POLE: variants seen among roughly 807,000 people sequenced by gnomAD.
POLE encodes DNA polymerase epsilon catalytic subunit A.
A neutral mutation model predicts 279.2 loss-of-function variants in POLE; 188 were observed. The ratio of observed to expected loss-of-function variants is 0.67; its 90% CI spans 0.60 to 0.76. POLE has a LOEUF of 0.76. POLE is among the 30% of genes least tolerant of loss of function. POLE has a pLI of 0.00. For synonymous variants in POLE, 1,214 were observed against 1,172.5 expected (o/e 1.04, Z -0.72); for missense variants, 2,703 against 3,016.7 (o/e 0.90, Z 2.44).
At chr12:132,665,775 T>A (rs1252508824) in intron 20 of POLE, among the ~76,000 whole-genome samples, 1 of 152,182 alleles carries the variant, frequency 6.6e-6, no homozygotes, top group African/African-American at 2.4e-5. Flanking sequence ...GAAATGCAGC[T>A]AAGACCACAG....
intron 1 of POLE, among the ~76,000 whole-genome samples, chr12:132,686,209 T>G (rs1197962225): frequency 1.3e-5 from 2 of 152,016 alleles, no homozygotes; most frequent in African/African-American, 4.8e-5. Context: ...AGGCCAGTCC[T>G]CCGGTCATGT....
rs2138511556 is a variant in POLE, at chr12:132,639,298, C to A, written c.5379G>T (p.Arg1793Ser). The change falls in exon 40 of 49, where the codon AGG (arginine) becomes AGT (serine). Residue 1793 changes from arginine (R) to serine (S), a missense_variant and splice_region_variant. This residue lies in a region of POLE where 1,551 missense variants were observed against 1,686.1 expected (regional missense o/e 0.92). Coordinates refer to ENST00000320574, the MANE Select transcript of POLE (RefSeq NM_006231.4). The surrounding 1 kb of genome is among the most constrained non-coding windows in gnomAD (Gnocchi z 4.7). ...AGCCCACGACCATGCTCTTCAGGAT[C>A]CTGAAAGAGAAGGTGCACGACACCC... ...DETALCSNTFRILKSMVVGWV... is the reference protein window; with the variant it reads ...DETALCSNTFSILKSMVVGWV... The A allele has an allele frequency of 6.2e-7, 1 of 1,613,750 alleles. No homozygotes were observed. The highest frequency in any genetic ancestry group is 8.5e-7 in the Non-Finnish European group (1 of 1,179,780).
chr12:132,661,112 C>T lies in POLE; in HGVS notation c.2917G>A (p.Val973Ile), dbSNP rs764690414. ...AGCTGCAGTTCCCCGCGGCGTTTGACCTCAAAGCCCTTGAGCTCAGCCAGA... is the reference window on the plus strand; with the variant it reads ...AGCTGCAGTTCCCCGCGGCGTTTGATCTCAAAGCCCTTGAGCTCAGCCAGA... ...GSLAELKGFE[V>I]KRRGELQLIK... The change falls in exon 25 of 49, where the codon GTC becomes ATC. Residue 973 changes from valine to isoleucine, a missense_variant. Physicochemically the swap from Val to Ile is conservative, Grantham distance 29. This residue lies in a region of POLE where 19 missense variants were observed against 51.5 expected (regional missense o/e 0.37). Coordinates refer to ENST00000320574, the MANE Select transcript of POLE (RefSeq NM_006231.4). This position sits in a 1 kb window ranked among gnomAD's most constrained non-coding sequence, Gnocchi z 4.1. 4 of 1,613,796 alleles carry T rather than the reference C, an allele frequency of 2.5e-6. No homozygotes were observed. Among genetic ancestry groups the T allele is most frequent in the East Asian group, 2.2e-5 (1 of 44,896 alleles).
chr12:132,668,726 C>T lies in POLE; in HGVS notation c.1935G>A (p.Met645Ile), dbSNP rs561707898. Residue 645 changes from methionine to isoleucine, a missense_variant, in exon 18 of 49, where the codon ATG (methionine) becomes ATA (isoleucine). Physicochemically the swap from Met to Ile is conservative, Grantham distance 10 (BLOSUM62 1). Around this residue, in one of 5 missense-constraint regions of POLE, gnomAD observed 1,011 missense variants for 1,111.7 expected, o/e 0.91. Coordinates refer to ENST00000320574, the MANE Select transcript of POLE (RefSeq NM_006231.4). This position sits in a 1 kb window ranked among gnomAD's most constrained non-coding sequence, Gnocchi z 4.0. ...AGGCAGCACAGGTGGCTTCGTCCAC[C>T]ATGGCAGAGGGCTGGGAGGGGTGAG... Reference protein sequence around the residue: ...ILTNRLQPSAMVDEATCAACD... With the variant: ...ILTNRLQPSAIVDEATCAACD... 1.9e-6 allele frequency: 3 copies of T among 1,614,008 alleles called. No homozygotes were observed. In the East Asian group the frequency reaches 6.7e-5, roughly 36 times the overall value.
At position 132,635,987 on chromosome 12, in the gene POLE, A is replaced by C. The variant is rs1438451005; in HGVS notation, c.5716T>G (p.Ser1906Ala). 1 of 1,613,930 alleles carries C rather than the reference A, an allele frequency of 6.2e-7. No homozygotes were observed. The highest frequency in any genetic ancestry group is 1.3e-5 in the African/African-American group (1 of 74,934). ...AGAAATTCCCAGCATCGAGAGAAAG[A>C]AATTGTCAGAGAATGGAAGGTCTCC... ...SKETFHSLTI[S>A]FSRCWEFLLW... The change falls in exon 42 of 49, where the codon TCT becomes GCT. Residue 1906 changes from serine to alanine, a missense_variant. Physicochemically the swap from Ser to Ala is moderately conservative, Grantham distance 99. This residue lies in a region of POLE where 1,551 missense variants were observed against 1,686.1 expected (regional missense o/e 0.92). Coordinates refer to ENST00000320574, the MANE Select transcript of POLE (RefSeq NM_006231.4).
rs1235183498 is a variant in POLE, at chr12:132,668,181, G to A, written c.2173+175C>T. Among the ~76,000 whole-genome samples, 4 of 152,188 alleles carry A rather than the reference G, an allele frequency of 2.6e-5. No homozygotes were observed. Among genetic ancestry groups the A allele is most frequent in the Non-Finnish European group, 5.9e-5 (4 of 68,032 alleles). On this transcript the variant is annotated intron_variant, in intron 19 of 48. Coordinates refer to ENST00000320574, the MANE Select transcript of POLE (RefSeq NM_006231.4). The surrounding 1 kb of genome is among the most constrained non-coding windows in gnomAD (Gnocchi z 4.0). ...GTGTCTAACACTTGCAGATGGGGAA[G>A]CAAATAAAGGACCCTGCAGTGAGAG...
rs5744981 is a variant in POLE, at chr12:132,636,985, G to C, written c.5679-961C>G. Among the ~76,000 whole-genome samples, 58 of 152,328 alleles carry C rather than the reference G, an allele frequency of 3.8e-4. 1 individual carries two copies. Among genetic ancestry groups the C allele is most frequent in the South Asian group, 3.1e-3 (15 of 4,828 alleles). ...TCCTCAGGTACAGGGCACCCCTGGA[G>C]CTGCCCATGGCCAACGTGGGGAGAG... On this transcript the variant is annotated intron_variant, in intron 41 of 48. Coordinates refer to ENST00000320574, the MANE Select transcript of POLE (RefSeq NM_006231.4).
chr12:132,669,004 C>T (rs2042864134), intron 16 of POLE, 65 bp from the exon 17 acceptor site: 2 of 1,533,946 alleles, frequency 1.3e-6, no homozygotes, highest in Admixed American at 3.7e-5. Flanking sequence ...AGTTCACCAA[C>T]CCCTTTTAGA....
At chr12:132,651,125 CT>C (rs1463896885) in intron 29 of POLE, 1 of 152,224 alleles carries the variant, frequency 6.6e-6, no homozygotes, top group East Asian at 1.9e-4. Flanking sequence ...ATCCACCCAC[CT>C]CAGCCTTCCA....
intron 45 of POLE, among the ~76,000 whole-genome samples, chr12:132,627,243 C>T (rs1649874363): frequency 6.6e-6 from 1 of 151,706 alleles, no homozygotes; most frequent in Non-Finnish European, 1.5e-5. Context: ...GATTGCACCA[C>T]TGCACTCCAG....
intron 1 of POLE, among the ~76,000 whole-genome samples, chr12:132,685,170 G>A (rs992332454): frequency 2.8e-5 from 4 of 144,892 alleles, no homozygotes; most frequent in South Asian, 2.3e-4. Flanking sequence ...ATATCACACC[G>A]TCCCAGTACT....
rs1384842148 is a variant in POLE at position 132,641,845 on chromosome 12, A to T, written c.5180T>A (p.Val1727Glu). 1.5e-5 allele frequency: 24 copies of T among 1,599,862 alleles called. No homozygotes were observed. The highest frequency in any genetic ancestry group is 2.0e-5 in the Non-Finnish European group (24 of 1,179,824). Residue 1727 changes from valine (V) to glutamate (E), a missense_variant, in exon 39 of 49, where the codon GTG (valine) becomes GAG (glutamate). Coordinates refer to ENST00000320574, the MANE Select transcript of POLE (RefSeq NM_006231.4). The part of the protein sequence containing the change: ...NSSGCYSTVC[V>E]ELDLQNLAVN... ...GGCCAGGTTCTGAAGGTCCAGCTCC[A>T]CACACACTGCACAGGAAGACGCCAT...
At chr12:132,686,592 G>A (rs1335138106) in intron 1 of POLE, among the ~76,000 whole-genome samples, 4 of 151,890 alleles carry the variant, frequency 2.6e-5, no homozygotes, top group African/African-American at 7.3e-5. Context: ...AAAACTAGCC[G>A]GGCCTGGTGG....
chr12:132,665,442 T>C lies in POLE; in HGVS notation c.2328A>G (p.Lys776=), dbSNP rs1195868370. The C allele has an allele frequency of 1.2e-6, 2 of 1,610,608 alleles. No individual in the cohort carries two copies. The highest frequency in any genetic ancestry group is 8.5e-7 in the Non-Finnish European group (1 of 1,179,624). Residue 776 remains lysine (K), a synonymous_variant, in exon 21 of 49, where the codon AAA becomes AAG. Coordinates refer to ENST00000320574, the MANE Select transcript of POLE (RefSeq NM_006231.4). ...YEFKGLHKVW[K]KKLSAAVEVG... ...CCTCCACGGCCGCCGAGAGCTTCTT[T>C]TTCCACACCTGAGAAGCACATGAAC...
intron 23 of POLE, 118 bp downstream of exon 23, chr12:132,663,886 T>C: frequency 1.0e-6 from 1 of 1,004,898 alleles, no homozygotes; most frequent in Non-Finnish European, 1.5e-6. Flanking sequence ...AGAAAAGCAA[T>C]GTGAGCAGTG....
rs186371056 is a variant in POLE, at chr12:132,644,635, C to T, written c.4150-658G>A. 3.8e-4 allele frequency among the ~76,000 whole-genome samples: 58 copies of T among 152,280 alleles called. 1 individual carries two copies. The highest frequency in any genetic ancestry group is 3.4e-4 in the Non-Finnish European group (23 of 68,032). On this transcript the variant is annotated intron_variant, in intron 32 of 48. Transcript: ENST00000320574. Reference sequence around the variant, plus strand: ...AATCACATTTTCCTAGTCAGAGAAACGGAAAGAGAGCCCCTGGGGGAGCCA... The same window carrying T: ...AATCACATTTTCCTAGTCAGAGAAATGGAAAGAGAGCCCCTGGGGGAGCCA...
chr12:132,646,607 G>A (rs1302104007), intron 32 of POLE, among the ~76,000 whole-genome samples: 1 of 151,464 alleles, frequency 6.6e-6, no homozygotes, highest in Non-Finnish European at 1.5e-5. Context: ...CGAGGTGGAT[G>A]GATTACCTGA....
At chr12:132,677,781 G>C (rs1307312682) in intron 6 of POLE, 62 bp from the exon 7 acceptor site, 1 of 1,519,972 alleles carries the variant, frequency 6.6e-7, no homozygotes, top group Non-Finnish European at 9.0e-7. Context: ...TGAGACCAGA[G>C]TTCCAACTCA....
Position 132,675,824 on chromosome 12 carries a change from A to G in POLE, c.1021-4T>C. ...ACCACCTTTGGATCAGATGAGCCTGAACCCAAGTCACAGCAGTCAGAGGTC... is the reference window on the plus strand; with the variant it reads ...ACCACCTTTGGATCAGATGAGCCTGGACCCAAGTCACAGCAGTCAGAGGTC... On this transcript the variant is annotated splice_region_variant and splice_polypyrimidine_tract_variant and intron_variant, in intron 10 of 48. Coordinates refer to ENST00000320574, the MANE Select transcript of POLE (RefSeq NM_006231.4). This position sits in a 1 kb window ranked among gnomAD's most constrained non-coding sequence, Gnocchi z 4.3. 6.2e-7 allele frequency: 1 copy of G among 1,611,872 alleles called. No individual in the cohort carries two copies. The highest frequency in any genetic ancestry group is 2.2e-5 in the East Asian group (1 of 44,878).
Sources: gnomAD v4.1 joint callset for allele counts (sites outside exome capture counted in the v4.1 genomes callset) on GRCh38, gnomAD v4.1.1 for gene constraint, gnomAD v4.1.1 regional missense constraint, Gnocchi (gnomAD v3.1) non-coding constraint, MANE v1.5 for transcripts, NCBI Gene and HGNC (gene_info 2026-07-23, HGNC 2026-07-21) for gene names.